The following MSI2 variants were observed in gnomAD, a reference collection of about 807,000 sequenced individuals.
The protein encoded by MSI2 is RNA-binding protein Musashi homolog 2.
Under a neutral mutation model 45.6 loss-of-function variants are expected in MSI2, and 17 were observed. That is an observed-to-expected ratio of 0.37 (90% CI 0.26 to 0.56). The LOEUF (loss-of-function observed/expected upper bound fraction) is 0.56, where lower values mean the gene tolerates loss of function less well. MSI2 is among the 20% of genes least tolerant of loss of function. MSI2 has a pLI of 0.77. For missense variants in MSI2, 293 were observed against 444.2 expected (o/e 0.66, Z 3.06); for synonymous variants, 156 against 158.2 (o/e 0.99, Z 0.11).
intron 6 of MSI2, among the ~76,000 whole-genome samples, chr17:57,429,552 G>A (rs139817189): frequency 2.6e-4 from 39 of 152,210 alleles, no homozygotes; most frequent in Non-Finnish European, 4.1e-4. Context: ...CATTTGCAGC[G>A]CATTGAAGGT....
At chr17:57,321,059 T>C (rs760391870) in intron 5 of MSI2, among the ~76,000 whole-genome samples, 17 of 149,922 alleles carry the variant, frequency 1.1e-4, no homozygotes, top group Non-Finnish European at 1.8e-4. Context: ...GGATATCCAC[T>C]GGCTGTCTTA....
At chr17:57,461,246 A>G (rs1251800197) in intron 6 of MSI2, among the ~76,000 whole-genome samples, 1 of 152,134 alleles carries the variant, frequency 6.6e-6, no homozygotes, top group African/African-American at 2.4e-5. Context: ...CCACACACAG[A>G]CAGCATTTGG....
intron 5 of MSI2, among the ~76,000 whole-genome samples, chr17:57,370,579 A>G (rs1340125550): frequency 1.3e-5 from 2 of 152,296 alleles, no homozygotes; most frequent in African/African-American, 4.8e-5. Context: ...CTGGGATTCA[A>G]TGATGGCCAG....
At chr17:57,465,542 G>C (rs1033735595) in intron 6 of MSI2, among the ~76,000 whole-genome samples, 3 of 152,220 alleles carry the variant, frequency 2.0e-5, no homozygotes, top group Non-Finnish European at 4.4e-5. Context: ...GTGGAGTGGA[G>C]TGGAGGATGA....
chr17:57,673,749 C>G (rs563705802), intron 11 of MSI2, among the ~76,000 whole-genome samples: 40 of 152,044 alleles, frequency 2.6e-4, no homozygotes, highest in Non-Finnish European at 5.0e-4. Context: ...CCGCTGCCCC[C>G]CGATCTGCAA....
rs1462484920 is a variant in MSI2 at position 57,256,625 on chromosome 17, G to C, written c.-118G>C. 1.3e-5 allele frequency: 6 copies of C among 456,304 alleles called. No homozygotes were observed. The highest frequency in any genetic ancestry group is 1.0e-4 in the South Asian group (2 of 20,028). 28.3% of individuals were successfully genotyped at this position (456,304 alleles called of 1,614,324 possible). A position where few individuals can be genotyped will look rare whatever the true frequency, so the allele number is the denominator to read the frequency against. ...GAGAGATTCGGAGGAGCCCGGGCGG[G>C]GGGGAGGAGGAGGGGGAGGAGGGAG... On this transcript the variant is annotated 5_prime_UTR_variant, in exon 1 of 14. Transcript: ENST00000284073.
chr17:57,323,012 A>G (rs1248979980), intron 5 of MSI2, among the ~76,000 whole-genome samples: 2 of 147,946 alleles, frequency 1.4e-5, no homozygotes, highest in Non-Finnish European at 3.0e-5. Flanking sequence ...CGGGGAGCAT[A>G]TTGGTGGGGG....
chr17:57,564,327 G>A (rs530698498), intron 7 of MSI2, among the ~76,000 whole-genome samples: 34 of 152,328 alleles, frequency 2.2e-4, no homozygotes, highest in African/African-American at 6.5e-4. Flanking sequence ...TGGTATGGCC[G>A]TGGCTTGCAT....
chr17:57,683,556 C>G lies in MSI2; in HGVS notation c.*4039C>G, dbSNP rs1156545875. ...TTTTATTGAAGGTCAGCCATGCTTT[C>G]TGTATTATATTGCATATGAAATTGT... On this transcript the variant is annotated 3_prime_UTR_variant, in exon 14 of 14. Coordinates refer to ENST00000284073, the MANE Select transcript of MSI2 (RefSeq NM_138962.4). The surrounding 1 kb of genome is among the most constrained non-coding windows in gnomAD (Gnocchi z 5.2). The G allele has an allele frequency of 4.3e-6, 1 of 230,606 alleles. No individual in the cohort carries two copies. Among genetic ancestry groups the G allele is most frequent in the Non-Finnish European group, 8.6e-6 (1 of 116,654 alleles). The allele number at this position is 230,606 out of a possible 1,614,324, so 14.3% of individuals were successfully genotyped here.
chr17:57,605,740 C>A (rs891765423), intron 8 of MSI2, among the ~76,000 whole-genome samples: 1 of 152,216 alleles, frequency 6.6e-6, no homozygotes, highest in Non-Finnish European at 1.5e-5. Flanking sequence ...GGAGTTCTGT[C>A]CCTGGTTCTT....
At chr17:57,575,944 C>CAAAAAA (rs34036311) in intron 7 of MSI2, among the ~76,000 whole-genome samples, 12 of 64,428 alleles carry the variant, frequency 1.9e-4, no homozygotes, top group African/African-American at 4.0e-4. Flanking sequence ...GACTCCGTCT[C>CAAAAAA]AAAAAAAAAA....
intron 6 of MSI2, among the ~76,000 whole-genome samples, chr17:57,526,756 G>A (rs138727795): frequency 2.2e-4 from 34 of 151,976 alleles, no homozygotes; most frequent in Non-Finnish European, 3.4e-4. Flanking sequence ...TTTTTCTCCC[G>A]TTTCTCTTTC....
chr17:57,667,449 G>A (rs780385739), intron 11 of MSI2, among the ~76,000 whole-genome samples: 15 of 152,096 alleles, frequency 9.9e-5, no homozygotes, highest in Admixed American at 6.5e-4. Flanking sequence ...TTTGAGACTC[G>A]AAGCCTGGTC....
chr17:57,276,570 C>G (rs1190859799), intron 5 of MSI2, among the ~76,000 whole-genome samples: 1 of 152,188 alleles, frequency 6.6e-6, no homozygotes, highest in Non-Finnish European at 1.5e-5. Flanking sequence ...GGGACAATTA[C>G]TAAAGAAGTG....
intron 11 of MSI2, among the ~76,000 whole-genome samples, chr17:57,661,067 C>T (rs1341885408): frequency 6.6e-6 from 1 of 152,174 alleles, no homozygotes; most frequent in African/African-American, 2.4e-5. Context: ...GTAAACACTC[C>T]ATAGATGTTA....
At chr17:57,427,268 C>T (rs2084510419) in intron 6 of MSI2, among the ~76,000 whole-genome samples, 1 of 152,076 alleles carries the variant, frequency 6.6e-6, no homozygotes, top group African/African-American at 2.4e-5. Flanking sequence ...TGTGGTGATG[C>T]ATGCCTGTAA....
intron 11 of MSI2, among the ~76,000 whole-genome samples, chr17:57,674,044 T>A (rs1913024071): frequency 6.6e-6 from 1 of 151,542 alleles, no homozygotes; most frequent in African/African-American, 2.4e-5. Context: ...ACCATTGGCT[T>A]CCACCCCAGC....
At chr17:57,274,012 G>T (rs1388918533) in intron 5 of MSI2, among the ~76,000 whole-genome samples, 1 of 152,216 alleles carries the variant, frequency 6.6e-6, no homozygotes, top group Non-Finnish European at 1.5e-5. Flanking sequence ...GCTTCCTAGA[G>T]ACCTGCTCCT....
At chr17:57,429,176 A>G (rs1027994825) in intron 6 of MSI2, among the ~76,000 whole-genome samples, 1 of 151,922 alleles carries the variant, frequency 6.6e-6, no homozygotes, top group African/African-American at 2.4e-5. Flanking sequence ...GGCCTTCTAG[A>G]TGGCACCTGG....
Sources: gnomAD v4.1 joint callset for allele counts (sites outside exome capture counted in the v4.1 genomes callset) on GRCh38, gnomAD v4.1.1 for gene constraint, Gnocchi (gnomAD v3.1) non-coding constraint, MANE v1.5 for transcripts, NCBI Gene and HGNC (gene_info 2026-07-23, HGNC 2026-07-21) for gene names.